Variants in PTPRR observed in about 807,000 individuals in gnomAD.
PTPRR encodes protein tyrosine phosphatase receptor type R, also known as receptor-type tyrosine-protein phosphatase R.
Under a neutral mutation model 77.2 loss-of-function variants are expected in PTPRR, and 38 were observed. The observed-to-expected ratio is 0.49, with a 90% CI of 0.38 to 0.65. The LOEUF (loss-of-function observed/expected upper bound fraction) is 0.65, where lower values mean the gene tolerates loss of function less well. PTPRR is among the 30% of genes least tolerant of loss of function. The probability of loss-of-function intolerance (pLI) is 0.00; values close to 1 mark genes in which losing one functional copy is unlikely to be tolerated. For missense variants in PTPRR, 744 were observed against 799.2 expected, an observed-to-expected ratio of 0.93 and a Z score of 0.83; for synonymous variants, 299 against 283.1, an observed-to-expected ratio of 1.06 and a Z score of -0.57.
At chr12:70,651,706 A>G (rs1208837968) in intron 13 of PTPRR, among the ~76,000 whole-genome samples, 1 of 152,164 alleles carries the variant, frequency 6.6e-6, no homozygotes, top group African/African-American at 2.4e-5. Context: ...TATCAAAGAG[A>G]TATGTTTTTG....
In PTPRR at chr12:70,764,778, T is replaced by C. The variant is rs568944907; in HGVS notation, c.358A>G (p.Thr120Ala). 2.5e-6 allele frequency: 4 copies of C among 1,608,508 alleles called. No individual in the cohort carries two copies. The African/African-American group carries it at 5.3e-5, about 21-fold the overall frequency. Reference protein sequence around the residue: ...PIPAANVIVVTLQMDVNKLNI... With the variant: ...PIPAANVIVVALQMDVNKLNI... ...AGCTTGTTTACATCCATTTGCAGTGTCTAGAAAATAAGGACAAAAATAAAT... is the reference window on the plus strand; with the variant it reads ...AGCTTGTTTACATCCATTTGCAGTGCCTAGAAAATAAGGACAAAAATAAAT... The change falls in exon 3 of 14, where the codon ACA (threonine) becomes GCA (alanine). Residue 120 changes from threonine to alanine, a missense_variant and splice_region_variant. Thr to Ala is a moderately conservative substitution (Grantham distance 58). Around this residue, in one of 3 missense-constraint regions of PTPRR, gnomAD observed 570 missense variants for 573.2 expected, o/e 0.99. Coordinates refer to ENST00000283228, the MANE Select transcript of PTPRR (RefSeq NM_002849.4).
chr12:70,918,746 T>G (rs1893811131), intron 1 of PTPRR, among the ~76,000 whole-genome samples: 2 of 152,228 alleles, frequency 1.3e-5, no homozygotes, highest in Non-Finnish European at 2.9e-5. Flanking sequence ...GCAGACCAGC[T>G]AAATCATTGC....
At chr12:70,838,860 G>A (rs1892348094) in intron 2 of PTPRR, among the ~76,000 whole-genome samples, 3 of 152,102 alleles carry the variant, frequency 2.0e-5, no homozygotes, top group Non-Finnish European at 2.9e-5. Flanking sequence ...CTAGCTCTGT[G>A]GACCCAGATT....
intron 10 of PTPRR, chr12:70,673,002 C>T (rs1566059012): frequency 7.7e-7 from 1 of 1,291,306 alleles, no homozygotes; most frequent in South Asian, 1.3e-5. Context: ...AAGGATAGAG[C>T]TCTCTTCAAT....
intron 10 of PTPRR, among the ~76,000 whole-genome samples, chr12:70,679,092 T>G (rs1419293797): frequency 6.6e-6 from 1 of 152,216 alleles, no homozygotes; most frequent in Non-Finnish European, 1.5e-5. Flanking sequence ...AGAACAGCTT[T>G]TTCTGTATTC....
chr12:70,827,215 G>A (rs1401711962), intron 2 of PTPRR, among the ~76,000 whole-genome samples: 1 of 152,192 alleles, frequency 6.6e-6, no homozygotes, highest in African/African-American at 2.4e-5. Flanking sequence ...TGGAATATAA[G>A]TTACAGTGGG....
At chr12:70,727,426 C>T (rs1022899113) in intron 6 of PTPRR, among the ~76,000 whole-genome samples, 1 of 151,570 alleles carries the variant, frequency 6.6e-6, no homozygotes, top group African/African-American at 2.4e-5. Context: ...TTAAAAAAAC[C>T]AGAATTAACT....
intron 2 of PTPRR, among the ~76,000 whole-genome samples, chr12:70,769,219 T>G (rs1290675819): frequency 6.0e-5 from 9 of 150,280 alleles, no homozygotes; most frequent in Admixed American, 6.0e-4. Context: ...GAAGTCAAAT[T>G]GTCCCTGTTT....
In PTPRR at chr12:70,656,701, C is replaced by T. The variant is rs1321941726; in HGVS notation, c.1880+3G>A. 6.2e-7 allele frequency: 1 copy of T among 1,603,920 alleles called. No homozygotes were observed. The highest frequency in any genetic ancestry group is 8.5e-7 in the Non-Finnish European group (1 of 1,170,904). On this transcript the variant is annotated splice_donor_region_variant and intron_variant, in intron 13 of 13. Transcript: ENST00000283228. ...TCTGAAGGCAAGCCTCTGTGACACT[C>T]ACCTATCCATACGAAGCTGGCAGAC...
intron 2 of PTPRR, among the ~76,000 whole-genome samples, chr12:70,859,300 C>T (rs1892708742): frequency 6.6e-6 from 1 of 152,034 alleles, no homozygotes. Flanking sequence ...GGCTGCACCC[C>T]TCAAAGATAT....
chr12:70,799,901 T>C (rs552822199), intron 2 of PTPRR, among the ~76,000 whole-genome samples: 5 of 152,132 alleles, frequency 3.3e-5, no homozygotes, highest in Non-Finnish European at 7.4e-5. Context: ...CCCTTTTAAT[T>C]AGCAGCTCAT....
intron 2 of PTPRR, among the ~76,000 whole-genome samples, chr12:70,851,220 G>A (rs1161632171): frequency 6.6e-6 from 1 of 152,104 alleles, no homozygotes; most frequent in East Asian, 1.9e-4. Flanking sequence ...TCAGAGATAG[G>A]TCTCTTAAAT....
At position 70,708,181 on chromosome 12, in the gene PTPRR, G is replaced by A. The variant is rs541357009; in HGVS notation, c.1008-6858C>T. Among the ~76,000 whole-genome samples, 7 of 152,200 alleles carry A rather than the reference G, an allele frequency of 4.6e-5. No homozygotes were observed. The East Asian group carries it at 1.4e-3, about 29-fold the overall frequency. ...TTGCAGTAAAGTGTGAACACATTGA[G>A]GCCAAAGACTTTGACTTGAGTTCTC... On this transcript the variant is annotated intron_variant, in intron 6 of 13. Coordinates refer to ENST00000283228, the MANE Select transcript of PTPRR (RefSeq NM_002849.4).
At position 70,639,244 on chromosome 12, in the gene PTPRR, T is replaced by C. The variant is rs770409051; in HGVS notation, c.1914A>G (p.Glu638=). 1.9e-6 allele frequency: 3 copies of C among 1,613,584 alleles called. No individual in the cohort carries two copies. The highest frequency in any genetic ancestry group is 2.5e-6 in the Non-Finnish European group (3 of 1,179,930). ...GGMVQTSEQY[E]FVHHALCLYE... is the part of the protein sequence containing the mutation. ...ACAGGCACAGAGCATGGTGCACAAA[T>C]TCATACTGCTCACTGGTTTGCACCA... is the stretch of plus-strand genomic sequence containing the variant. Residue 638 remains glutamate (E), a synonymous_variant, in exon 14 of 14, where the codon GAA becomes GAG. Coordinates refer to ENST00000283228, the MANE Select transcript of PTPRR (RefSeq NM_002849.4).
At chr12:70,779,267 T>C (rs1274326646) in intron 2 of PTPRR, among the ~76,000 whole-genome samples, 1 of 152,072 alleles carries the variant, frequency 6.6e-6, no homozygotes. Context: ...TCATGTGGGC[T>C]CTCAAGGCCC....
At chr12:70,897,994 G>C (rs1487784797) in intron 1 of PTPRR, among the ~76,000 whole-genome samples, 2 of 129,778 alleles carry the variant, frequency 1.5e-5, no homozygotes, top group Non-Finnish European at 3.2e-5. Flanking sequence ...ACACACCAGA[G>C]ACTGTTGTGG....
chr12:70,657,564 T>G (rs1223281873), intron 12 of PTPRR, among the ~76,000 whole-genome samples: 1 of 152,234 alleles, frequency 6.6e-6, no homozygotes, highest in Non-Finnish European at 1.5e-5. Flanking sequence ...ATGTAAAAGA[T>G]TCTTTCAAAT....
chr12:70,770,258 C>A (rs987745488), intron 2 of PTPRR, among the ~76,000 whole-genome samples: 3 of 151,394 alleles, frequency 2.0e-5, no homozygotes, highest in African/African-American at 2.4e-5. Flanking sequence ...GCAACCTACT[C>A]ATCTGACAAA....
At chr12:70,708,811 TACAA>T (rs10531690) in intron 6 of PTPRR, among the ~76,000 whole-genome samples, 25,976 of 143,186 alleles carry the variant, frequency 0.18, 2,715 homozygotes, top group East Asian at 0.44. Flanking sequence ...TAAATACAAA[TACAA>T]ACACACACAC....
Sources: allele counts gnomAD v4.1 joint callset (sites outside exome capture counted in the v4.1 genomes callset), GRCh38; gene constraint gnomAD v4.1.1; regional missense constraint gnomAD v4.1.1; transcripts MANE v1.5; gene names NCBI Gene and HGNC (gene_info 2026-07-23, HGNC 2026-07-21).